RRM2B: variants seen among roughly 807,000 people sequenced by gnomAD.
RRM2B encodes the protein ribonucleoside-diphosphate reductase subunit M2 B.
A neutral mutation model predicts 45.9 loss-of-function variants in RRM2B; 20 were observed. The observed-to-expected ratio is 0.44, with a 90% CI of 0.31 to 0.63. The LOEUF (loss-of-function observed/expected upper bound fraction) is 0.63. Ranked by LOEUF, RRM2B falls within the 30% of genes least tolerant of loss-of-function variation. The pLI is 0.09. For synonymous variants in RRM2B, 124 were observed against 132.3 expected (o/e 0.94, Z 0.43); for missense variants, 320 against 414.7 (o/e 0.77, Z 1.98).
intron 5 of RRM2B, among the ~76,000 whole-genome samples, chr8:102,219,288 A>G (rs1304841766): frequency 6.6e-6 from 1 of 152,218 alleles, no homozygotes; most frequent in African/African-American, 2.4e-5. Context: ...GTATGTATAC[A>G]TATGTGTGTG....
intron 8 of RRM2B, among the ~76,000 whole-genome samples, chr8:102,209,119 T>A (rs774063255): frequency 2.0e-4 from 30 of 151,944 alleles, no homozygotes; most frequent in Non-Finnish European, 4.4e-4. Context: ...CATTGCACTG[T>A]AGCCTGGGCA....
In RRM2B at chr8:102,204,818, CAA is replaced by C. The variant is rs1234924250; in HGVS notation, c.*3313_*3314del. On this transcript the variant is annotated 3_prime_UTR_variant, in exon 9 of 9. Transcript: ENST00000251810. ...AAAAAATGAAAACACAGTTGTAAAA[CAA>C]AGTATGTAAGAATATTGTGACCTTA... 6.6e-6 allele frequency: 1 copy of C among 152,018 alleles called. No individual in the cohort carries two copies. The highest frequency in any genetic ancestry group is 1.5e-5 in the Non-Finnish European group (1 of 67,946). 9.4% of individuals were successfully genotyped at this position (152,018 alleles called of 1,614,324 possible). A position where few individuals can be genotyped will look rare whatever the true frequency, so the allele number is the denominator to read the frequency against.
At chr8:102,238,302 C>T in intron 1 of RRM2B, 1 of 334,670 alleles carries the variant, frequency 3.0e-6, no homozygotes, top group South Asian at 2.4e-5. Flanking sequence ...CAAAACTGGC[C>T]TCCTACCCTG....
At chr8:102,221,272 G>C (rs1810831006) in intron 5 of RRM2B, among the ~76,000 whole-genome samples, 2 of 152,020 alleles carry the variant, frequency 1.3e-5, no homozygotes, top group Admixed American at 1.3e-4. Flanking sequence ...AAAAATAAAG[G>C]CTTATAAGAG....
chr8:102,214,555 G>T (rs28927372), intron 6 of RRM2B, among the ~76,000 whole-genome samples: 5,335 of 150,962 alleles, frequency 0.035, 162 homozygotes, highest in Admixed American at 0.086. Context: ...ATGAAACTCA[G>T]ATTTCAAAAA....
At chr8:102,223,215 C>T (rs1394010941) in intron 5 of RRM2B, among the ~76,000 whole-genome samples, 2 of 152,016 alleles carry the variant, frequency 1.3e-5, no homozygotes, top group Non-Finnish European at 2.9e-5. Flanking sequence ...TAATATGATA[C>T]ACTTCCTTAA....
chr8:102,214,483 A>G, intron 6 of RRM2B: 1 of 270,438 alleles, frequency 3.7e-6, no homozygotes, highest in Non-Finnish European at 7.5e-6. Context: ...AAAATTCATT[A>G]ATTTTTAAAT....
chr8:102,215,535 GTGTT>G (rs1464124965), intron 6 of RRM2B, among the ~76,000 whole-genome samples: 1 of 152,192 alleles, frequency 6.6e-6, no homozygotes, highest in African/African-American at 2.4e-5. Context: ...TGGTGTGTGT[GTGTT>G]TGTAATTTAT....
intron 8 of RRM2B, among the ~76,000 whole-genome samples, chr8:102,212,101 A>G (rs2132543029): frequency 6.6e-6 from 1 of 152,306 alleles, no homozygotes; most frequent in East Asian, 1.9e-4. Context: ...TTATGTGTCT[A>G]ATATTATTTT....
chr8:102,213,490 A>G (rs1020155029), intron 7 of RRM2B, among the ~76,000 whole-genome samples: 3 of 152,176 alleles, frequency 2.0e-5, no homozygotes, highest in African/African-American at 7.2e-5. Context: ...TCAATATACA[A>G]ACTACGCCTG....
chr8:102,221,097 GTTAT>G (rs1430135219), intron 5 of RRM2B, among the ~76,000 whole-genome samples: 5 of 152,042 alleles, frequency 3.3e-5, no homozygotes, highest in Admixed American at 2.0e-4. Context: ...TTGTTTTGAA[GTTAT>G]TTAAAGATAT....
At chr8:102,221,338 A>T (rs1810832139) in intron 5 of RRM2B, among the ~76,000 whole-genome samples, 1 of 152,194 alleles carries the variant, frequency 6.6e-6, no homozygotes, top group Non-Finnish European at 1.5e-5. Flanking sequence ...AAAGGCACTA[A>T]GAAGGTCACC....
rs758568467 is a variant in RRM2B at position 102,213,155 on chromosome 8, TA to T, written c.790-267del. 5.3e-4 allele frequency among the ~76,000 whole-genome samples: 81 copies of T among 152,202 alleles called. 1 individual carries two copies. The highest frequency in any genetic ancestry group is 9.4e-4 in the Non-Finnish European group (64 of 67,962). ...ACTGGATTTCTTGAAGTAGCAGATA[TA>T]AGACTCGGATTCGTATGCTTTCTCA... On this transcript the variant is annotated intron_variant, in intron 7 of 8. Coordinates refer to ENST00000251810, the MANE Select transcript of RRM2B (RefSeq NM_015713.5).
intron 2 of RRM2B, among the ~76,000 whole-genome samples, 159 bp from the exon 3 acceptor site, chr8:102,226,193 T>C (rs1205238043): frequency 6.6e-6 from 1 of 151,922 alleles, no homozygotes; most frequent in East Asian, 1.9e-4. Flanking sequence ...AAAAAAGTTA[T>C]GTTAACAAGT....
chr8:102,218,297 A>ACCTCGGT, intron 6 of RRM2B, among the ~76,000 whole-genome samples: 1 of 152,216 alleles, frequency 6.6e-6, no homozygotes, highest in Admixed American at 6.5e-5. Flanking sequence ...ATTAAGAATG[A>ACCTCGGT]CCAGGAGACC....
chr8:102,222,054 C>T (rs1810846210), intron 5 of RRM2B, among the ~76,000 whole-genome samples: 1 of 151,802 alleles, frequency 6.6e-6, no homozygotes, highest in Admixed American at 6.6e-5. Flanking sequence ...ATATTGAGAA[C>T]CAGTGATTTT....
At chr8:102,228,455 T>C (rs1810972212) in intron 2 of RRM2B, among the ~76,000 whole-genome samples, 1 of 152,238 alleles carries the variant, frequency 6.6e-6, no homozygotes, top group African/African-American at 2.4e-5. Flanking sequence ...CAGGTGTGGA[T>C]GCTAAAAGCT....
intron 5 of RRM2B, among the ~76,000 whole-genome samples, chr8:102,221,058 T>C (rs1168636829): frequency 6.6e-6 from 1 of 152,196 alleles, no homozygotes; most frequent in African/African-American, 2.4e-5. Context: ...TGAAATTTCA[T>C]TACATATATT....
chr8:102,233,893 T>G (rs1198289063), intron 1 of RRM2B, among the ~76,000 whole-genome samples: 1 of 152,152 alleles, frequency 6.6e-6, no homozygotes, highest in African/African-American at 2.4e-5. Context: ...TGATCATAGA[T>G]CACTGCAGTC....
Sources: allele counts gnomAD v4.1 joint callset (sites outside exome capture counted in the v4.1 genomes callset), GRCh38; gene constraint gnomAD v4.1.1; transcripts MANE v1.5; gene names NCBI Gene and HGNC (gene_info 2026-07-23, HGNC 2026-07-21).